Variants in LAMB4 observed in about 807,000 individuals in gnomAD.
LAMB4 encodes laminin subunit beta-4.
Under a neutral mutation model 199.2 loss-of-function variants are expected in LAMB4, and 196 were observed. That is an observed-to-expected ratio of 0.98 (90% CI 0.88 to 1.11). The LOEUF (loss-of-function observed/expected upper bound fraction) is 1.11. Among genes scored for constraint, LAMB4 ranks in the 50% least tolerant of loss-of-function variants. The probability of loss-of-function intolerance (pLI) is 0.00; values close to 1 mark genes in which losing one functional copy is unlikely to be tolerated. For missense variants in LAMB4, 2,080 were observed against 2,171.2 expected (o/e 0.96, Z 0.83); for synonymous variants, 744 against 770.6 (o/e 0.97, Z 0.57).
intron 33 of LAMB4, among the ~76,000 whole-genome samples, chr7:108,026,072 C>G (rs1452632693): frequency 6.6e-6 from 1 of 152,168 alleles, no homozygotes; most frequent in South Asian, 2.1e-4. Flanking sequence ...GGCCTCTTTC[C>G]TAACACTCTG....
intron 2 of LAMB4, among the ~76,000 whole-genome samples, chr7:108,118,720 T>C (rs1378743462): frequency 6.6e-6 from 1 of 152,014 alleles, no homozygotes; most frequent in Non-Finnish European, 1.5e-5. Context: ...AATCTGGCAT[T>C]TAGGGCTAGG....
chr7:108,080,863 C>T (rs2150581208), intron 14 of LAMB4, among the ~76,000 whole-genome samples: 1 of 151,382 alleles, frequency 6.6e-6, no homozygotes, highest in Non-Finnish European at 1.5e-5. Context: ...GTGGCTCAGG[C>T]CTGTAATCCC....
chr7:108,082,248 T>G (rs1299417396), intron 14 of LAMB4, among the ~76,000 whole-genome samples: 2 of 147,874 alleles, frequency 1.4e-5, no homozygotes, highest in Non-Finnish European at 1.5e-5. Flanking sequence ...GAGAATGGTG[T>G]GAACCCGGAA....
At chr7:108,108,256 A>G (rs435522) in intron 5 of LAMB4, among the ~76,000 whole-genome samples, 56,293 of 152,088 alleles carry the variant, frequency 0.37, 10,994 homozygotes, top group Non-Finnish European at 0.42. Flanking sequence ...TCTACTACAC[A>G]ATACACACAC....
At chr7:108,033,184 C>G (rs1636955) in intron 31 of LAMB4, among the ~76,000 whole-genome samples, 1 of 151,996 alleles carries the variant, frequency 6.6e-6, no homozygotes, top group Admixed American at 6.5e-5. Context: ...ATACTTTATA[C>G]TTTGTGGCCT....
At position 108,130,349 on chromosome 7, in the gene LAMB4, G is replaced by A. The variant is rs1584812422; in HGVS notation, c.-77C>T. On this transcript the variant is annotated 5_prime_UTR_variant, in exon 1 of 34. Coordinates refer to ENST00000388781, the MANE Select transcript of LAMB4 (RefSeq NM_007356.3). ...GTGGAGAGGTTCAGGCAGCAAACGG[G>A]GCATGTGAAGACACACCTGAAAGTT... is the stretch of plus-strand genomic sequence containing the variant. The A allele has an allele frequency of 2.0e-5, 3 of 152,038 alleles. No homozygotes were observed. Among genetic ancestry groups the A allele is most frequent in the African/African-American group, 7.2e-5 (3 of 41,400 alleles). The allele number at this position is 152,038 out of a possible 1,614,324, so 9.4% of individuals were successfully genotyped here.
chr7:108,030,370 A>C (rs2034986761), intron 32 of LAMB4, among the ~76,000 whole-genome samples: 1 of 152,202 alleles, frequency 6.6e-6, no homozygotes, highest in Non-Finnish European at 1.5e-5. Flanking sequence ...CAACTGTTTA[A>C]TTAACTCATT....
chr7:108,096,282 T>C (rs1223969584), intron 11 of LAMB4, among the ~76,000 whole-genome samples: 1 of 152,240 alleles, frequency 6.6e-6, no homozygotes, highest in Non-Finnish European at 1.5e-5. Context: ...CTGCCTTCTT[T>C]TACTTTGCAT....
intron 30 of LAMB4, 136 bp from the exon 31 acceptor site, chr7:108,034,482 A>T: frequency 1.4e-6 from 1 of 698,590 alleles, no homozygotes; most frequent in Non-Finnish European, 2.4e-6. Context: ...TAAACAAGAG[A>T]AAGTGCTGAA....
At chr7:108,030,712 T>C in intron 32 of LAMB4, 94 bp downstream of exon 32, 1 of 1,153,400 alleles carries the variant, frequency 8.7e-7, no homozygotes, top group East Asian at 2.4e-5. Context: ...ACAAAGGAAA[T>C]GATGAGAAAT....
At chr7:108,115,938 G>A (rs2038388968) in intron 3 of LAMB4, 66 bp downstream of exon 3, 3 of 1,495,940 alleles carry the variant, frequency 2.0e-6, no homozygotes, top group Non-Finnish European at 9.2e-7. Context: ...AGCCCCAGGT[G>A]TACCTGGAAA....
intron 32 of LAMB4, 92 bp from the exon 33 acceptor site, chr7:108,029,288 A>G (rs1424563725): frequency 8.8e-7 from 1 of 1,132,976 alleles, no homozygotes; most frequent in Non-Finnish European, 1.2e-6. Flanking sequence ...CATAGAAGGA[A>G]TACAGAGGAA....
At chr7:108,080,835 C>T (rs1255972750) in intron 14 of LAMB4, among the ~76,000 whole-genome samples, 1 of 151,830 alleles carries the variant, frequency 6.6e-6, no homozygotes, top group Non-Finnish European at 1.5e-5. Flanking sequence ...AAAAAAACCC[C>T]TTGTAAGGCT....
chr7:108,091,683 C>T lies in LAMB4; in HGVS notation c.1644G>A (p.Leu548=). 6.2e-7 allele frequency: 1 copy of T among 1,614,136 alleles called. No homozygotes were observed. Among genetic ancestry groups the T allele is most frequent in the Non-Finnish European group, 8.5e-7 (1 of 1,180,038 alleles). Residue 548 remains leucine, a synonymous_variant, in exon 14 of 34, where the codon TTG becomes TTA. Transcript: ENST00000388781. ...EPAPGYFFAP[L]NFYLYEAEEA... The stretch of plus-strand genomic sequence containing the variant: ...CCTCTGCCTCGTAGAGATAGAAATT[C>T]AAAGGAGCAAAGAAGTAGCCAGGGG...
rs112453347 is a variant in LAMB4, at chr7:108,058,678, C to T, written c.3283-750G>A. The stretch of plus-strand genomic sequence containing the variant: ...CCTTTTCTTTTCTTTTATTTTGAGA[C>T]GGAGTCTCGCTCTGTTGCCCAGGCT... On this transcript the variant is annotated intron_variant, in intron 23 of 33. Transcript: ENST00000388781. Among the ~76,000 whole-genome samples, 38 of 152,166 alleles carry T rather than the reference C, an allele frequency of 2.5e-4. No homozygotes were observed. The East Asian group carries it at 5.0e-3, about 20-fold the overall frequency.
intron 20 of LAMB4, 114 bp downstream of exon 20, chr7:108,066,255 C>T (rs375176561): frequency 1.3e-5 from 10 of 785,620 alleles, no homozygotes; most frequent in South Asian, 1.8e-5. Flanking sequence ...CGACCTATAA[C>T]AGTCCTCCCT....
chr7:108,026,439 C>G (rs144562872), intron 33 of LAMB4: 1 of 156,212 alleles, frequency 6.4e-6, no homozygotes, highest in Non-Finnish European at 1.4e-5. Flanking sequence ...AGAGAGAGTG[C>G]CAGCATCTCA....
intron 26 of LAMB4, among the ~76,000 whole-genome samples, chr7:108,050,326 G>A (rs376633145): frequency 6.6e-6 from 1 of 152,142 alleles, no homozygotes; most frequent in Non-Finnish European, 1.5e-5. Context: ...ATGCACATTA[G>A]TATGATCATA....
At chr7:108,047,668 T>C (rs28451593) in intron 28 of LAMB4, among the ~76,000 whole-genome samples, 27,370 of 152,080 alleles carry the variant, frequency 0.18, 7,543 homozygotes, top group African/African-American at 0.59. Flanking sequence ...CCCTAACCCC[T>C]ATGTTGTTCA....
Sources: allele counts gnomAD v4.1 joint callset (sites outside exome capture counted in the v4.1 genomes callset), GRCh38; gene constraint gnomAD v4.1.1; transcripts MANE v1.5; gene names NCBI Gene and HGNC (gene_info 2026-07-23, HGNC 2026-07-21).